Variants in IGF2BP2 observed in about 807,000 individuals in gnomAD.
The protein encoded by IGF2BP2 is insulin-like growth factor 2 mRNA-binding protein 2.
A neutral mutation model predicts 75.8 loss-of-function variants in IGF2BP2; 17 were observed. The ratio of observed to expected loss-of-function variants is 0.22; its 90% confidence interval spans 0.15 to 0.34. IGF2BP2 has a LOEUF of 0.34. IGF2BP2 is among the 10% of genes least tolerant of loss of function. The pLI is 1.00. For synonymous variants in IGF2BP2, 288 were observed against 295.6 expected (o/e 0.97, Z 0.26); for missense variants, 516 against 772.4 (o/e 0.67, Z 3.93).
intron 2 of IGF2BP2, among the ~76,000 whole-genome samples, chr3:185,805,965 G>A (rs1396198282): frequency 1.3e-5 from 2 of 151,712 alleles, no homozygotes; most frequent in Admixed American, 6.6e-5. Flanking sequence ...AGTACAGACA[G>A]GGTTTCACCA....
At chr3:185,689,878 G>C (rs1721699089) in intron 5 of IGF2BP2, among the ~76,000 whole-genome samples, 1 of 150,194 alleles carries the variant, frequency 6.7e-6, no homozygotes, top group Non-Finnish European at 1.5e-5. Context: ...TGAGGCAGGA[G>C]AATGGCGTGA....
intron 2 of IGF2BP2, among the ~76,000 whole-genome samples, chr3:185,806,051 G>A (rs996611915): frequency 6.6e-5 from 10 of 151,856 alleles, no homozygotes; most frequent in African/African-American, 1.9e-4. Context: ...TGATCCACCC[G>A]CCTCAGCCTC....
intron 2 of IGF2BP2, among the ~76,000 whole-genome samples, chr3:185,730,730 T>TCC (rs1728051392): frequency 6.6e-6 from 1 of 152,174 alleles, no homozygotes; most frequent in Non-Finnish European, 1.5e-5. Flanking sequence ...ATACAATGGT[T>TCC]CCCTTTGGGT....
chr3:185,645,522 G>C lies in IGF2BP2; in HGVS notation c.*9C>G. 6.3e-7 allele frequency: 1 copy of C among 1,596,680 alleles called. No homozygotes were observed. The highest frequency in any genetic ancestry group is 1.7e-4 in the Middle Eastern group (1 of 5,906). Reference sequence around the variant, plus strand: ...TTCATCCGTTGTTTTGCTGGTGCCTGTGGGAGCCTCACTTGCTGCGCTGTG... The same window carrying C: ...TTCATCCGTTGTTTTGCTGGTGCCTCTGGGAGCCTCACTTGCTGCGCTGTG... On this transcript the variant is annotated 3_prime_UTR_variant, in exon 16 of 16. Coordinates refer to ENST00000382199, the MANE Select transcript of IGF2BP2 (RefSeq NM_006548.6). The surrounding 1 kb of genome is among the most constrained non-coding windows in gnomAD (Gnocchi z 4.9).
At chr3:185,731,581 GC>G (rs1728184788) in intron 2 of IGF2BP2, among the ~76,000 whole-genome samples, 1 of 152,106 alleles carries the variant, frequency 6.6e-6, no homozygotes, top group African/African-American at 2.4e-5. Context: ...ACGGAGGGGA[GC>G]CATGCCTAGT....
chr3:185,674,095 C>G (rs2149225808), intron 9 of IGF2BP2, among the ~76,000 whole-genome samples: 1 of 152,246 alleles, frequency 6.6e-6, no homozygotes, highest in Admixed American at 6.5e-5. Flanking sequence ...GAGATGGGGA[C>G]AGATTACTGC....
Position 185,644,486 on chromosome 3 carries a change from T to C in IGF2BP2, c.*1045A>G, listed in dbSNP as rs1449493932. The stretch of plus-strand genomic sequence containing the variant: ...TTCCAAAACGCTAGGACAAGTACCA[T>C]TGACTCTTGTTCTTTTGAGTAACCA... On this transcript the variant is annotated 3_prime_UTR_variant, in exon 16 of 16. Coordinates refer to ENST00000382199, the MANE Select transcript of IGF2BP2 (RefSeq NM_006548.6). 9.2e-5 allele frequency: 14 copies of C among 152,152 alleles called. No individual in the cohort carries two copies. The highest frequency in any genetic ancestry group is 1.7e-4 in the African/African-American group (7 of 41,346). The allele number at this position is 152,152 out of a possible 1,614,324, so 9.4% of individuals were successfully genotyped here. A position where few individuals can be genotyped will look rare whatever the true frequency, so the allele number is the denominator to read the frequency against.
chr3:185,687,831 C>T (rs897055252), intron 6 of IGF2BP2, among the ~76,000 whole-genome samples: 27 of 152,186 alleles, frequency 1.8e-4, no homozygotes, highest in African/African-American at 5.5e-4. Flanking sequence ...ATCCTTTTTA[C>T]TTTGGTTGTT....
At chr3:185,748,659 T>C (rs993860804) in intron 2 of IGF2BP2, among the ~76,000 whole-genome samples, 2 of 152,220 alleles carry the variant, frequency 1.3e-5, no homozygotes, top group African/African-American at 4.8e-5. Flanking sequence ...CCAAACAGCC[T>C]GCACGGTGGC....
intron 2 of IGF2BP2, among the ~76,000 whole-genome samples, chr3:185,733,824 AAAAC>A (rs367906126): frequency 4.5e-4 from 69 of 152,322 alleles, no homozygotes; most frequent in African/African-American, 1.5e-3. Context: ...AAGCACATTA[AAAAC>A]AAACAAACAG....
intron 2 of IGF2BP2, among the ~76,000 whole-genome samples, chr3:185,737,249 C>G (rs936939233): frequency 6.6e-6 from 1 of 152,178 alleles, no homozygotes; most frequent in Non-Finnish European, 1.5e-5. Flanking sequence ...GTTGGCTCCT[C>G]TTTAAATTCC....
In IGF2BP2 at chr3:185,647,473, C is replaced by CA. The variant is rs1231745398; in HGVS notation, c.1594-336dup. Reference sequence around the variant, plus strand: ...GACCCCAGGCTTTCCCATACCCCCCCACTCCCCACCCCTACCCTGTAAGAT... The same window carrying CA: ...GACCCCAGGCTTTCCCATACCCCCCCAACTCCCCACCCCTACCCTGTAAGAT... On this transcript the variant is annotated intron_variant, in intron 14 of 15. Coordinates refer to ENST00000382199, the MANE Select transcript of IGF2BP2 (RefSeq NM_006548.6). This position sits in a 1 kb window ranked among gnomAD's most constrained non-coding sequence, Gnocchi z 4.9. 1.3e-5 allele frequency among the ~76,000 whole-genome samples: 2 copies of CA among 152,116 alleles called. No homozygotes were observed. Among genetic ancestry groups the CA allele is most frequent in the African/African-American group, 4.8e-5 (2 of 41,404 alleles).
At chr3:185,780,803 G>A (rs541963218) in intron 2 of IGF2BP2, among the ~76,000 whole-genome samples, 5 of 152,116 alleles carry the variant, frequency 3.3e-5, no homozygotes, top group Middle Eastern at 3.4e-3. Flanking sequence ...AGCACATATC[G>A]TCCCCATTTT....
At chr3:185,823,268 G>C in intron 1 of IGF2BP2, 55 bp from the exon 2 acceptor site, 2 of 1,385,718 alleles carry the variant, frequency 1.4e-6, no homozygotes, top group Non-Finnish European at 2.0e-6. Context: ...GCCCGCGGGG[G>C]TCTAGGGGGG....
chr3:185,706,595 G>A (rs1189247613), intron 2 of IGF2BP2, among the ~76,000 whole-genome samples: 1 of 152,112 alleles, frequency 6.6e-6, no homozygotes, highest in Non-Finnish European at 1.5e-5. Flanking sequence ...TCCACCTTCA[G>A]GATTCTATAA....
At chr3:185,775,447 T>C (rs879104586) in intron 2 of IGF2BP2, among the ~76,000 whole-genome samples, 2 of 152,200 alleles carry the variant, frequency 1.3e-5, no homozygotes, top group Admixed American at 1.3e-4. Context: ...AAGATGATCA[T>C]TTAAACAACA....
rs542562099 is a variant in IGF2BP2 at position 185,647,847 on chromosome 3, G to A, written c.1594-709C>T. Among the ~76,000 whole-genome samples the A allele has an allele frequency of 2.8e-4, 42 of 152,358 alleles. No homozygotes were observed. Among genetic ancestry groups the A allele is most frequent in the Non-Finnish European group, 5.0e-4 (34 of 68,038 alleles). Reference sequence around the variant, plus strand: ...TCCTCTGGCCCTCTGGCCTGATGCCGAGCTCACAGGCGGGTTCAGCATGTG... The same window carrying A: ...TCCTCTGGCCCTCTGGCCTGATGCCAAGCTCACAGGCGGGTTCAGCATGTG... On this transcript the variant is annotated intron_variant, in intron 14 of 15. Transcript: ENST00000382199. The surrounding 1 kb of genome is among the most constrained non-coding windows in gnomAD (Gnocchi z 4.9).
At chr3:185,655,185 G>A (rs1280458801) in intron 12 of IGF2BP2, among the ~76,000 whole-genome samples, 1 of 152,222 alleles carries the variant, frequency 6.6e-6, no homozygotes, top group Non-Finnish European at 1.5e-5. Flanking sequence ...AGGCTGGAGT[G>A]CAATGGCGTG....
intron 2 of IGF2BP2, among the ~76,000 whole-genome samples, chr3:185,815,878 T>C (rs980637681): frequency 2.6e-5 from 4 of 152,086 alleles, no homozygotes; most frequent in African/African-American, 9.7e-5. Flanking sequence ...ATTTAGCATA[T>C]TTTTTTGTGC....
Sources: gnomAD v4.1 joint callset for allele counts (sites outside exome capture counted in the v4.1 genomes callset) on GRCh38, gnomAD v4.1.1 for gene constraint, Gnocchi (gnomAD v3.1) non-coding constraint, MANE v1.5 for transcripts, NCBI Gene and HGNC (gene_info 2026-07-23, HGNC 2026-07-21) for gene names.